Variants in WDR89 observed in about 807,000 individuals in gnomAD.
The protein encoded by WDR89 is WD repeat domain 89.
In WDR89, 17 loss-of-function variants were observed where a neutral mutation model predicts 29.1. The ratio of observed to expected loss-of-function variants is 0.58; its 90% confidence interval spans 0.40 to 0.88. WDR89 has a LOEUF of 0.88. Ranked by LOEUF, WDR89 falls within the 40% of genes least tolerant of loss-of-function variation. The pLI is 0.00. For synonymous variants in WDR89, 138 were observed against 157.8 expected (o/e 0.87, Z 0.94); for missense variants, 396 against 456.3 (o/e 0.87, Z 1.20).
At chr14:63,627,203 T>C (rs2139557653) in intron 1 of WDR89, among the ~76,000 whole-genome samples, 1 of 151,828 alleles carries the variant, frequency 6.6e-6, no homozygotes, top group East Asian at 1.9e-4. Flanking sequence ...TGTTAAACTT[T>C]TTGACAAGTA....
At chr14:63,640,331 T>G (rs1884021494) in intron 1 of WDR89, among the ~76,000 whole-genome samples, 1 of 152,198 alleles carries the variant, frequency 6.6e-6, no homozygotes, top group Admixed American at 6.5e-5. Context: ...CTCTAAGTAG[T>G]CAAGTTTGGT....
At chr14:63,614,970 C>T (rs1371284929) in intron 2 of WDR89, among the ~76,000 whole-genome samples, 5 of 152,148 alleles carry the variant, frequency 3.3e-5, no homozygotes, top group Admixed American at 3.3e-4. Flanking sequence ...TATGGCATCC[C>T]ATGCATTAAA....
intron 2 of WDR89, among the ~76,000 whole-genome samples, chr14:63,624,336 G>A (rs1197218120): frequency 6.6e-6 from 1 of 151,482 alleles, no homozygotes; most frequent in Admixed American, 6.6e-5. Flanking sequence ...GCATGGTGGC[G>A]CATGCCTATA....
chr14:63,606,099 C>T (rs1051723246), intron 2 of WDR89, among the ~76,000 whole-genome samples: 1 of 151,990 alleles, frequency 6.6e-6, no homozygotes, highest in Non-Finnish European at 1.5e-5. Flanking sequence ...AGGCTCAGGC[C>T]ACCACATCCA....
chr14:63,610,219 TA>T (rs56984803), intron 2 of WDR89, among the ~76,000 whole-genome samples: 20,238 of 65,030 alleles, frequency 0.31, 1,703 homozygotes, highest in East Asian at 0.44. Context: ...GACTCTGTCT[TA>T]AAAAAAAAAA....
At chr14:63,602,462 CAAAAAAAAAA>C (rs58161137) in intron 2 of WDR89, among the ~76,000 whole-genome samples, 1 of 35,642 alleles carries the variant, frequency 2.8e-5, no homozygotes, top group Non-Finnish European at 6.5e-5. Context: ...GATTCCTACT[CAAAAAAAAAA>C]AAAAAAAAAA....
intron 1 of WDR89, among the ~76,000 whole-genome samples, chr14:63,625,315 G>T (rs1365882339): frequency 6.6e-6 from 1 of 151,958 alleles, no homozygotes; most frequent in Non-Finnish European, 1.5e-5. Flanking sequence ...ATTATTAAGG[G>T]GCACAAGGAA....
At chr14:63,639,600 A>G (rs954424664) in intron 1 of WDR89, among the ~76,000 whole-genome samples, 1 of 152,216 alleles carries the variant, frequency 6.6e-6, no homozygotes, top group Non-Finnish European at 1.5e-5. Flanking sequence ...AAAATATTGA[A>G]CAGAATTAAC....
intron 1 of WDR89, among the ~76,000 whole-genome samples, chr14:63,631,523 G>A (rs564676456): frequency 2.7e-4 from 41 of 151,662 alleles, no homozygotes; most frequent in African/African-American, 9.0e-4. Flanking sequence ...ACACAACCAC[G>A]CCTGGCCAAT....
At chr14:63,632,217 T>C (rs1319096922) in intron 1 of WDR89, among the ~76,000 whole-genome samples, 1 of 152,090 alleles carries the variant, frequency 6.6e-6, no homozygotes, top group Non-Finnish European at 1.5e-5. Flanking sequence ...GTTTTACTCA[T>C]ATAAGCCTGA....
chr14:63,625,274 G>C (rs1336102492), intron 1 of WDR89, among the ~76,000 whole-genome samples: 1 of 152,192 alleles, frequency 6.6e-6, no homozygotes, highest in East Asian at 1.9e-4. Context: ...GGAACTGGTT[G>C]TTAGGGGCTG....
At chr14:63,605,024 C>T (rs572288003) in intron 2 of WDR89, among the ~76,000 whole-genome samples, 5 of 152,164 alleles carry the variant, frequency 3.3e-5, no homozygotes, top group Admixed American at 1.3e-4. Flanking sequence ...GTGGTGCACG[C>T]CTATAGTCCC....
intron 1 of WDR89, among the ~76,000 whole-genome samples, chr14:63,637,587 T>C (rs1323363807): frequency 6.6e-6 from 1 of 152,154 alleles, no homozygotes; most frequent in Non-Finnish European, 1.5e-5. Flanking sequence ...TGTGTGTATA[T>C]ATATGTGTAT....
chr14:63,640,381 T>C (rs28733391), intron 1 of WDR89, among the ~76,000 whole-genome samples: 5,820 of 152,312 alleles, frequency 0.038, 142 homozygotes, highest in South Asian at 0.083. Context: ...TGATGCTGAC[T>C]TGTCCAGTCA....
In WDR89 at chr14:63,599,569, C is replaced by A; in HGVS notation, c.374G>T (p.Cys125Phe). 6.2e-7 allele frequency: 1 copy of A among 1,614,048 alleles called. No homozygotes were observed. Among genetic ancestry groups the A allele is most frequent in the Non-Finnish European group, 8.5e-7 (1 of 1,180,002 alleles). Residue 125 changes from cysteine to phenylalanine, a missense_variant, in exon 3 of 3, where the codon TGT becomes TTT. Cys to Phe is a radical substitution (Grantham distance 205). Transcript: ENST00000620954. ...ACCAGCACAAATAATATGATCATTA[C>A]AATTAATATCAAAACTGATAAAAAT... ...SNIFISFDINCNDHIICAGTE... is the reference protein window; with the variant it reads ...SNIFISFDINFNDHIICAGTE...
At chr14:63,626,054 A>G (rs748550801) in intron 1 of WDR89, among the ~76,000 whole-genome samples, 6 of 151,956 alleles carry the variant, frequency 3.9e-5, no homozygotes, top group Admixed American at 2.6e-4. Context: ...GGGTTTCACC[A>G]TGTTGGCCAG....
intron 2 of WDR89, among the ~76,000 whole-genome samples, chr14:63,620,406 C>T (rs1365511288): frequency 6.6e-6 from 1 of 152,086 alleles, no homozygotes. Context: ...TATGTGAAAT[C>T]TAAAACAGTC....
chr14:63,636,825 T>C (rs982706881), intron 1 of WDR89, among the ~76,000 whole-genome samples: 7 of 152,110 alleles, frequency 4.6e-5, no homozygotes, highest in East Asian at 1.9e-4. Flanking sequence ...GAAGACAACA[T>C]TGGAAAAACC....
chr14:63,635,080 T>C (rs1883645707), intron 1 of WDR89, among the ~76,000 whole-genome samples: 1 of 151,910 alleles, frequency 6.6e-6, no homozygotes, highest in Non-Finnish European at 1.5e-5. Flanking sequence ...CCAATCCTTT[T>C]GACACTATTC....
Sources: allele counts gnomAD v4.1 joint callset (sites outside exome capture counted in the v4.1 genomes callset), GRCh38; gene constraint gnomAD v4.1.1; transcripts MANE v1.5; gene names NCBI Gene and HGNC (gene_info 2026-07-23, HGNC 2026-07-21).